RBFOX1: variants seen among roughly 807,000 people sequenced by gnomAD.
RBFOX1 encodes the protein RNA binding protein fox-1 homolog 1.
RBFOX1 carries 8 observed loss-of-function variants against 57.7 expected under a neutral mutation model. The ratio of observed to expected loss-of-function variants is 0.14; its 90% CI spans 0.08 to 0.25. RBFOX1 has a LOEUF of 0.25. Ranked by LOEUF, RBFOX1 falls within the 10% of genes least tolerant of loss-of-function variation. The probability of loss-of-function intolerance (pLI) is 1.00; values close to 1 mark genes in which losing one functional copy is unlikely to be tolerated. For missense variants in RBFOX1, 611 were observed against 548.5 expected, an observed-to-expected ratio of 1.11 and a Z score of -1.14; for synonymous variants, 326 against 222.4, an observed-to-expected ratio of 1.47 and a Z score of -4.15.
At chr16:7,536,593 C>CAA (rs1237911230) in intron 5 of RBFOX1, among the ~76,000 whole-genome samples, 12 of 151,870 alleles carry the variant, frequency 7.9e-5, no homozygotes, top group African/African-American at 2.9e-4. Context: ...GACTTCGTCT[C>CAA]AAAAAAATAA....
chr16:7,311,874 T>G (rs867568507), intron 4 of RBFOX1, among the ~76,000 whole-genome samples: 10 of 152,248 alleles, frequency 6.6e-5, no homozygotes, highest in African/African-American at 2.2e-4. Flanking sequence ...GCTGAAGGCT[T>G]AATCCCAACT....
chr16:5,763,529 C>A (rs895742876), intron 3 of RBFOX1, among the ~76,000 whole-genome samples: 73 of 152,332 alleles, frequency 4.8e-4, no homozygotes, highest in African/African-American at 1.7e-3. Flanking sequence ...CTTTCCTTAT[C>A]CCCATATTTT....
chr16:6,246,811 A>C (rs1036098697), intron 1 of RBFOX1, among the ~76,000 whole-genome samples: 10 of 152,280 alleles, frequency 6.6e-5, no homozygotes, highest in African/African-American at 2.2e-4. Context: ...GCTCACGCCT[A>C]TAATCCCAGC....
chr16:5,989,871 CACACACACA>C (rs1567227285), intron 4 of RBFOX1, among the ~76,000 whole-genome samples: 20 of 117,276 alleles, frequency 1.7e-4, no homozygotes, highest in East Asian at 1.3e-3. Context: ...CACACACACA[CACACACACA>C]CCACCCCTGT....
chr16:6,889,157 G>T (rs186187187), intron 3 of RBFOX1, among the ~76,000 whole-genome samples: 2 of 152,278 alleles, frequency 1.3e-5, no homozygotes, highest in East Asian at 1.9e-4. Flanking sequence ...GTAACATTCA[G>T]TAGATCCCAT....
chr16:5,849,904 C>A (rs1255219106), intron 3 of RBFOX1, among the ~76,000 whole-genome samples: 1 of 152,222 alleles, frequency 6.6e-6, no homozygotes. Flanking sequence ...TGTAGCCCAG[C>A]AGCTCCCTGC....
In RBFOX1 at chr16:5,477,937, C is replaced by T. The variant is rs138564686; in HGVS notation, c.258+10683C>T. 1.3e-3 allele frequency among the ~76,000 whole-genome samples: 191 copies of T among 152,298 alleles called. 6 individuals are homozygous for T. In the East Asian group the frequency reaches 0.025, roughly 20 times the overall value. On this transcript the variant is annotated intron_variant, in intron 2 of 2. Coordinates refer to the RBFOX1 transcript ENST00000585867. ...AACTCAACTTGCTCAGCCCCAAATG[C>T]AGTTCTCCTTGGTTCTCATTACGCA...
At chr16:6,637,713 A>C (rs763511310) in intron 2 of RBFOX1, among the ~76,000 whole-genome samples, 8 of 151,442 alleles carry the variant, frequency 5.3e-5, no homozygotes, top group Non-Finnish European at 1.2e-4. Flanking sequence ...GCTGACCATG[A>C]GTACAGGGTC....
At chr16:6,885,755 C>G (rs190952944) in intron 3 of RBFOX1, among the ~76,000 whole-genome samples, 1 of 152,256 alleles carries the variant, frequency 6.6e-6, no homozygotes, top group South Asian at 2.1e-4. Flanking sequence ...TGGTCTCGAA[C>G]TCATGCCTCA....
intron 1 of RBFOX1, among the ~76,000 whole-genome samples, chr16:5,243,505 TG>T (rs1011632044): frequency 1.3e-5 from 2 of 152,074 alleles, no homozygotes; most frequent in African/African-American, 4.8e-5. Flanking sequence ...GTGGTGCTGG[TG>T]GGGGCCGTCC....
chr16:7,428,323 CTTT>C (rs201523653), intron 4 of RBFOX1, among the ~76,000 whole-genome samples: 2,326 of 112,240 alleles, frequency 0.021, 62 homozygotes, highest in African/African-American at 0.08. Flanking sequence ...GAATTAATAT[CTTT>C]TTTTTTTTTT....
At chr16:6,494,303 G>A (rs573715327) in intron 2 of RBFOX1, among the ~76,000 whole-genome samples, 6 of 152,188 alleles carry the variant, frequency 3.9e-5, no homozygotes, top group South Asian at 4.2e-4. Context: ...TGTATCCACC[G>A]CCACAGGTAA....
At chr16:7,521,865 C>G (rs915096850) in intron 5 of RBFOX1, among the ~76,000 whole-genome samples, 4 of 152,198 alleles carry the variant, frequency 2.6e-5, no homozygotes, top group African/African-American at 9.6e-5. Flanking sequence ...GTTTTTGGAA[C>G]GTGTCCATCA....
chr16:6,680,294 T>TTTTTTTTTTTTTTTTTTTTTTTTTTTTG (rs60731674), intron 3 of RBFOX1, among the ~76,000 whole-genome samples: 1 of 103,056 alleles, frequency 9.7e-6, no homozygotes, highest in African/African-American at 3.6e-5. Context: ...TTTTTTTTTT[T>TTTTTTTTTTTTTTTTTTTTTTTTTTTTG]ATTTGTCGCC....
chr16:7,180,699 G>C (rs2082522742), intron 4 of RBFOX1, among the ~76,000 whole-genome samples: 1 of 120,726 alleles, frequency 8.3e-6, no homozygotes, highest in African/African-American at 3.2e-5. Flanking sequence ...CATTTCTACT[G>C]TAAGTTATTA....
At chr16:6,285,703 C>T (rs1373652306) in intron 1 of RBFOX1, among the ~76,000 whole-genome samples, 2 of 152,116 alleles carry the variant, frequency 1.3e-5, no homozygotes, top group South Asian at 2.1e-4. Context: ...TATCCTGCAA[C>T]CTCCATGGCT....
intron 2 of RBFOX1, among the ~76,000 whole-genome samples, chr16:6,606,551 G>C (rs1184857730): frequency 6.6e-6 from 1 of 152,020 alleles, no homozygotes; most frequent in Non-Finnish European, 1.5e-5. Context: ...ATTGTGTGTA[G>C]TTCCCCTCCC....
At chr16:5,428,036 AG>A (rs2067615665) in intron 1 of RBFOX1, among the ~76,000 whole-genome samples, 1 of 152,152 alleles carries the variant, frequency 6.6e-6, no homozygotes, top group Non-Finnish European at 1.5e-5. Context: ...TACACTGTGT[AG>A]GTAGCTTTGC....
intron 3 of RBFOX1, among the ~76,000 whole-genome samples, chr16:5,850,637 T>C (rs2151863620): frequency 6.6e-6 from 1 of 152,308 alleles, no homozygotes; most frequent in East Asian, 1.9e-4. Context: ...TCACATTTAC[T>C]CCCTAAAGAC....
Sources: gnomAD v4.1 joint callset for allele counts (sites outside exome capture counted in the v4.1 genomes callset) on GRCh38, gnomAD v4.1.1 for gene constraint, MANE v1.5 for transcripts, NCBI Gene and HGNC (gene_info 2026-07-23, HGNC 2026-07-21) for gene names.